The following ENTPD1 variants were observed in gnomAD, a reference collection of about 807,000 sequenced individuals.
ENTPD1 encodes the protein ectonucleoside triphosphate diphosphohydrolase 1, also known as ATP diphosphohydrolase.
Under a neutral mutation model 57.0 loss-of-function variants are expected in ENTPD1, and 33 were observed. That is an observed-to-expected ratio of 0.58 (90% CI 0.44 to 0.77). ENTPD1 has a LOEUF of 0.77. ENTPD1 is among the 30% of genes least tolerant of loss of function. The pLI is 0.00. For synonymous variants in ENTPD1, 202 were observed against 218.8 expected (o/e 0.92, Z 0.68); for missense variants, 501 against 603.4 (o/e 0.83, Z 1.78).
At chr10:95,731,027 A>AT in intron 1 of ENTPD1, among the ~76,000 whole-genome samples, 1 of 152,156 alleles carries the variant, frequency 6.6e-6, no homozygotes, top group East Asian at 1.9e-4. Context: ...CTTATTTAGG[A>AT]TTTTTCTTCA....
intron 1 of ENTPD1, among the ~76,000 whole-genome samples, chr10:95,747,301 C>T (rs1028068840): frequency 3.9e-5 from 6 of 152,170 alleles, no homozygotes; most frequent in Non-Finnish European, 7.4e-5. Flanking sequence ...AGAACCTCTT[C>T]GTATATTCAT....
chr10:95,702,091 A>G, the ENTPD1 span, among the ~76,000 whole-genome samples: 1 of 152,108 alleles, frequency 6.6e-6, no homozygotes, highest in African/African-American at 2.4e-5. Context: ...CAAATAAAAA[A>G]TCAGTAGAGT....
intron 1 of ENTPD1, among the ~76,000 whole-genome samples, chr10:95,792,229 T>C (rs982123745): frequency 6.6e-6 from 1 of 152,116 alleles, no homozygotes; most frequent in African/African-American, 2.4e-5. Flanking sequence ...ACCAGGACAA[T>C]CCCAGGCAAA....
chr10:95,834,484 T>A (rs2098404808), intron 2 of ENTPD1, among the ~76,000 whole-genome samples: 1 of 152,036 alleles, frequency 6.6e-6, no homozygotes, highest in African/African-American at 2.4e-5. Flanking sequence ...CCATGAGACC[T>A]ATGGGCAACT....
At chr10:95,751,206 T>G (rs897112970), upstream of ENTPD1, among the ~76,000 whole-genome samples, 10 of 152,220 alleles carry the variant, frequency 6.6e-5, no homozygotes, top group Non-Finnish European at 1.5e-5. Flanking sequence ...CTAGAATTTT[T>G]AAAGTCTGCC....
intron 1 of ENTPD1, among the ~76,000 whole-genome samples, chr10:95,766,468 C>T (rs1260506437): frequency 6.6e-6 from 1 of 152,174 alleles, no homozygotes; most frequent in Non-Finnish European, 1.5e-5. Context: ...ATAATGACTT[C>T]ATGCTCTTAA....
At chr10:95,748,018 T>C (rs1005318894) in intron 1 of ENTPD1, among the ~76,000 whole-genome samples, 21 of 152,026 alleles carry the variant, frequency 1.4e-4, no homozygotes, top group African/African-American at 4.8e-4. Flanking sequence ...ATTACAGGCA[T>C]GCGCCACCAT....
At chr10:95,713,934 A>G (rs989440558) in intron 1 of ENTPD1, among the ~76,000 whole-genome samples, 3 of 152,238 alleles carry the variant, frequency 2.0e-5, no homozygotes, top group Admixed American at 6.5e-5. Flanking sequence ...TACAGCTCAA[A>G]GTGTAGTAAG....
chr10:95,752,657 C>T (rs1186748266), upstream of ENTPD1, among the ~76,000 whole-genome samples: 1 of 151,952 alleles, frequency 6.6e-6, no homozygotes, highest in Non-Finnish European at 1.5e-5. Flanking sequence ...AAGAGCGAAA[C>T]TCTGTCTCAA....
chr10:95,825,609 G>A lies in ENTPD1; in HGVS notation c.144+2245G>A, dbSNP rs201018846. ...TGTTTCTTTTTCAAGATGGAGTCTC[G>A]CTCTGTCGCCCAGGCTGGAGTGCAG... On this transcript the variant is annotated intron_variant, in intron 2 of 9. Transcript: ENST00000371205. Among the ~76,000 whole-genome samples the A allele has an allele frequency of 2.7e-4, 41 of 152,126 alleles. No homozygotes were observed. In the East Asian group the frequency reaches 7.1e-3, roughly 27 times the overall value.
chr10:95,694,206 C>G, the ENTPD1 span: 13 of 390,298 alleles, frequency 3.3e-5, no homozygotes, highest in Non-Finnish European at 6.0e-5. Context: ...TTCGGCGGAC[C>G]GAGAGGTTCC....
At chr10:95,841,436 C>T (rs565628430) in intron 3 of ENTPD1, among the ~76,000 whole-genome samples, 1 of 152,166 alleles carries the variant, frequency 6.6e-6, no homozygotes, top group South Asian at 2.1e-4. Flanking sequence ...ATCCCATGAG[C>T]GTTTGGCCTA....
intron 1 of ENTPD1, among the ~76,000 whole-genome samples, chr10:95,736,807 T>C (rs2861149): frequency 0.23 from 35,400 of 152,108 alleles, 4,889 homozygotes; most frequent in African/African-American, 0.38. Flanking sequence ...AACTAATGAC[T>C]GATAGGTGCA....
chr10:95,711,909 G>T (rs778053609), exon 1 of ENTPD1: 1 of 1,612,166 alleles, frequency 6.2e-7, no homozygotes, highest in Admixed American at 1.7e-5. Flanking sequence ...TCCAGTTTTG[G>T]TGCTGTGAAC....
intron 7 of ENTPD1, among the ~76,000 whole-genome samples, chr10:95,856,030 G>A (rs1320763531): frequency 3.3e-5 from 5 of 152,176 alleles, no homozygotes; most frequent in African/African-American, 1.2e-4. Context: ...CCCGCAGAGT[G>A]TTTTCCAACT....
chr10:95,714,620 A>G (rs1002633181), intron 1 of ENTPD1, among the ~76,000 whole-genome samples: 4 of 152,236 alleles, frequency 2.6e-5, no homozygotes, highest in Non-Finnish European at 4.4e-5. Flanking sequence ...TTATGATATT[A>G]TGTATTATAC....
chr10:95,832,263 C>T (rs1482565645), intron 2 of ENTPD1, among the ~76,000 whole-genome samples: 1 of 152,182 alleles, frequency 6.6e-6, no homozygotes, highest in Non-Finnish European at 1.5e-5. Context: ...CTCTTACCCT[C>T]AGAGCCTTCT....
At chr10:95,786,325 T>C (rs763862414) in intron 1 of ENTPD1, among the ~76,000 whole-genome samples, 1 of 152,006 alleles carries the variant, frequency 6.6e-6, no homozygotes, top group Admixed American at 6.6e-5. Context: ...CTCCACCAAA[T>C]TGGAAATTAG....
intron 1 of ENTPD1, among the ~76,000 whole-genome samples, chr10:95,732,652 G>T (rs1019499554): frequency 6.6e-6 from 1 of 152,122 alleles, no homozygotes; most frequent in Admixed American, 6.6e-5. Context: ...TTTCACGTAG[G>T]TTCTTTTCTA....
Sources: allele counts gnomAD v4.1 joint callset (sites outside exome capture counted in the v4.1 genomes callset), GRCh38; gene constraint gnomAD v4.1.1; transcripts MANE v1.5; gene names NCBI Gene and HGNC (gene_info 2026-07-23, HGNC 2026-07-21).